BBS9: variants seen among roughly 807,000 people sequenced by gnomAD.
BBS9 encodes Bardet-Biedl syndrome 9, also known as protein PTHB1.
Under a neutral mutation model 117.7 loss-of-function variants are expected in BBS9, and 89 were observed. The ratio of observed to expected loss-of-function variants is 0.76; its 90% CI spans 0.64 to 0.90. BBS9 has a LOEUF of 0.90. Among genes scored for constraint, BBS9 ranks in the 40% least tolerant of loss-of-function variants. The pLI, the probability that BBS9 is intolerant of heterozygous loss-of-function variation, is 0.00. For missense variants in BBS9, 982 were observed against 1,042.2 expected, an observed-to-expected ratio of 0.94 and a Z score of 0.80; for synonymous variants, 379 against 370.9, an observed-to-expected ratio of 1.02 and a Z score of -0.25.
chr7:33,367,410 T>C (rs1412460056), intron 16 of BBS9, among the ~76,000 whole-genome samples: 2 of 152,208 alleles, frequency 1.3e-5, no homozygotes, highest in Non-Finnish European at 2.9e-5. Context: ...CCAGTAGTAG[T>C]CTCTTTAAGC....
chr7:33,314,239 C>CTT (rs112214479), intron 9 of BBS9: 559 of 348,602 alleles, frequency 1.6e-3, no homozygotes, highest in South Asian at 3.1e-3. Context: ...AATTTCCTTT[C>CTT]TTTTTTTTTT....
intron 19 of BBS9, among the ~76,000 whole-genome samples, chr7:33,485,301 C>T (rs1163750760): frequency 6.7e-6 from 1 of 148,684 alleles, no homozygotes; most frequent in Admixed American, 7.0e-5. Context: ...TGGAACTTAA[C>T]ATAAAAGTTT....
chr7:33,320,170 G>T (rs1584302356), intron 9 of BBS9, among the ~76,000 whole-genome samples: 1 of 151,860 alleles, frequency 6.6e-6, no homozygotes, highest in Non-Finnish European at 1.5e-5. Context: ...TCACCCTGTT[G>T]TGCTAGCAAA....
At chr7:33,266,415 A>G (rs1366684484) in intron 7 of BBS9, among the ~76,000 whole-genome samples, 2 of 152,280 alleles carry the variant, frequency 1.3e-5, no homozygotes, top group East Asian at 1.9e-4. Flanking sequence ...ATTGATTTCT[A>G]TTTAAGTCTT....
intron 21 of BBS9, among the ~76,000 whole-genome samples, chr7:33,569,731 C>T (rs1857483302): frequency 6.6e-6 from 1 of 152,100 alleles, no homozygotes; most frequent in African/African-American, 2.4e-5. Flanking sequence ...CACTGCACTC[C>T]AGCCTGGGTG....
intron 5 of BBS9, among the ~76,000 whole-genome samples, chr7:33,182,897 C>A (rs1222779805): frequency 1.3e-5 from 2 of 151,970 alleles, no homozygotes; most frequent in African/African-American, 4.8e-5. Context: ...GATCCTGGAT[C>A]CCAAAAAAGG....
At chr7:33,503,646 T>C (rs981671629) in intron 19 of BBS9, among the ~76,000 whole-genome samples, 1 of 152,214 alleles carries the variant, frequency 6.6e-6, no homozygotes, top group Non-Finnish European at 1.5e-5. Context: ...CAGTGGGTGT[T>C]TATGACCTTG....
intron 19 of BBS9, among the ~76,000 whole-genome samples, chr7:33,403,703 T>A (rs1463230791): frequency 1.3e-5 from 2 of 152,160 alleles, no homozygotes; most frequent in East Asian, 1.9e-4. Flanking sequence ...ATTTTCTTAA[T>A]CCAGTCTATC....
chr7:33,220,930 A>G (rs888989842), intron 5 of BBS9, among the ~76,000 whole-genome samples: 1 of 152,266 alleles, frequency 6.6e-6, no homozygotes, highest in African/African-American at 2.4e-5. Context: ...TTGTTTTACA[A>G]CTACAAAATT....
intron 5 of BBS9, among the ~76,000 whole-genome samples, chr7:33,207,761 T>A (rs1265744291): frequency 2.6e-5 from 4 of 152,276 alleles, no homozygotes; most frequent in Admixed American, 1.3e-4. Context: ...TACATAAACA[T>A]ATACATATAT....
intron 21 of BBS9, among the ~76,000 whole-genome samples, chr7:33,582,701 C>T (rs1365544193): frequency 3.3e-5 from 5 of 152,090 alleles, no homozygotes; most frequent in Non-Finnish European, 7.4e-5. Context: ...CATCTTAAAG[C>T]CCTCCAGGAG....
Position 33,455,859 on chromosome 7 carries a change from A to G in BBS9, c.2116-49604A>G, listed in dbSNP as rs184080174. Among the ~76,000 whole-genome samples the G allele has an allele frequency of 1.9e-3, 296 of 152,304 alleles. 2 individuals are homozygous for G. Among genetic ancestry groups the G allele is most frequent in the Middle Eastern group, 0.017 (5 of 294 alleles). On this transcript the variant is annotated intron_variant, in intron 19 of 22. Transcript: ENST00000242067. The stretch of plus-strand genomic sequence containing the variant: ...GATAAGTGGTTGCTTATTTGGCCCA[A>G]CATATTGTTACGATATTAAAAAAGA...
At position 33,187,845 on chromosome 7, in the gene BBS9, C is replaced by T. The variant is rs76353122; in HGVS notation, c.442+10254C>T. The stretch of plus-strand genomic sequence containing the variant: ...CTGAGACAGGAGAAATCGCTTGAAC[C>T]CAGGAGGCGGAGGTTGCAGTGAGCC... On this transcript the variant is annotated intron_variant, in intron 5 of 22. Transcript: ENST00000242067. 0.02 allele frequency among the ~76,000 whole-genome samples: 3,025 copies of T among 151,996 alleles called. 228 individuals are homozygous for T. The East Asian group carries it at 0.28, about 14-fold the overall frequency.
In BBS9 at chr7:33,273,252, C is replaced by G. The variant is rs533358388; in HGVS notation, c.886+57C>G. 5.3e-6 allele frequency: 8 copies of G among 1,519,958 alleles called. No individual in the cohort carries two copies. The South Asian group carries it at 7.9e-5, about 15-fold the overall frequency. The allele number at this position is 1,519,958 out of a possible 1,614,324, so 94.2% of individuals were successfully genotyped here. A position where few individuals can be genotyped will look rare whatever the true frequency, so the allele number is the denominator to read the frequency against. On this transcript the variant is annotated intron_variant, in intron 8 of 22. Transcript: ENST00000242067. ...ATATGTCAAGGCTATGTGATATACA[C>G]CAGAAAAAGCCACACTCATACACAT...
At chr7:33,483,638 A>ATTT (rs5883404) in intron 19 of BBS9, among the ~76,000 whole-genome samples, 8 of 148,532 alleles carry the variant, frequency 5.4e-5, no homozygotes, top group African/African-American at 2.0e-4. Flanking sequence ...ATCTCAACAG[A>ATTT]TTTTTTTTTT....
At position 33,223,724 on chromosome 7, in the gene BBS9, G is replaced by T. The variant is rs180846093; in HGVS notation, c.443-33512G>T. 3.3e-5 allele frequency among the ~76,000 whole-genome samples: 5 copies of T among 151,558 alleles called. No homozygotes were observed. In the East Asian group the frequency reaches 9.7e-4, roughly 29 times the overall value. On this transcript the variant is annotated intron_variant, in intron 5 of 22. Coordinates refer to ENST00000242067, the MANE Select transcript of BBS9 (RefSeq NM_198428.3). ...AGATTATGAGTTACTTGAGATCAAA[G>T]AAGACTTCCTTTATTTCTTCATCTG...
chr7:33,457,600 C>T (rs1838832685), intron 19 of BBS9, among the ~76,000 whole-genome samples: 1 of 152,108 alleles, frequency 6.6e-6, no homozygotes, highest in Non-Finnish European at 1.5e-5. Context: ...ATAATTTACA[C>T]TAAAATACTT....
chr7:33,634,046 T>C (rs1164913665), intron 21 of BBS9, among the ~76,000 whole-genome samples: 1 of 152,214 alleles, frequency 6.6e-6, no homozygotes, highest in East Asian at 1.9e-4. Context: ...CTCCCGCTGG[T>C]CCCCAGCAAT....
chr7:33,524,257 G>A (rs1218927012), intron 20 of BBS9, among the ~76,000 whole-genome samples: 1 of 151,738 alleles, frequency 6.6e-6, no homozygotes, highest in Non-Finnish European at 1.5e-5. Context: ...AATGATGCTG[G>A]CCTCATAAAA....
Sources: gnomAD v4.1 joint callset for allele counts (sites outside exome capture counted in the v4.1 genomes callset) on GRCh38, gnomAD v4.1.1 for gene constraint, MANE v1.5 for transcripts, NCBI Gene and HGNC (gene_info 2026-07-23, HGNC 2026-07-21) for gene names.